The following CEP126 variants were observed in gnomAD, a reference collection of about 807,000 sequenced individuals.
CEP126 encodes the protein centrosomal protein of 126 kDa.
CEP126 carries 74 observed loss-of-function variants against 107.8 expected under a neutral mutation model. The ratio of observed to expected loss-of-function variants is 0.69; its 90% CI spans 0.57 to 0.83. CEP126 has a LOEUF of 0.83. Ranked by LOEUF, CEP126 falls within the 40% of genes least tolerant of loss-of-function variation. CEP126 has a pLI of 0.00. For synonymous variants in CEP126, 449 were observed against 446.0 expected (o/e 1.01, Z -0.08); for missense variants, 1,237 against 1,281.9 (o/e 0.96, Z 0.53).
intron 2 of CEP126, among the ~76,000 whole-genome samples, chr11:101,934,992 G>T (rs1287551919): frequency 6.6e-6 from 1 of 151,962 alleles, no homozygotes; most frequent in Non-Finnish European, 1.5e-5. Context: ...TTCCAAAAGG[G>T]CTGACCTTTT....
rs1236849810 is a variant in CEP126 at position 101,998,385 on chromosome 11, G to C, written c.*742G>C. 6.6e-6 allele frequency: 1 copy of C among 152,018 alleles called. No individual in the cohort carries two copies. Among genetic ancestry groups the C allele is most frequent in the Non-Finnish European group, 1.5e-5 (1 of 68,074 alleles). 9.4% of individuals were successfully genotyped at this position (152,018 alleles called of 1,614,324 possible). On this transcript the variant is annotated 3_prime_UTR_variant, in exon 11 of 11. Coordinates refer to ENST00000263468, the MANE Select transcript of CEP126 (RefSeq NM_020802.4). ...AGATGGCTTGAGCTCAGGAGTTCGT[G>C]ACCAGCCTGGGCAACCCTGTCTCTA...
intron 8 of CEP126, 148 bp from the exon 9 acceptor site, chr11:101,986,684 A>C: frequency 1.8e-6 from 1 of 566,960 alleles, no homozygotes; most frequent in Non-Finnish European, 3.1e-6. Flanking sequence ...TGATAAATGA[A>C]ATCAAAGTAG....
intron 4 of CEP126, among the ~76,000 whole-genome samples, chr11:101,951,196 A>G (rs1383146819): frequency 6.6e-6 from 1 of 152,182 alleles, no homozygotes; most frequent in African/African-American, 2.4e-5. Context: ...ATGTTGATCA[A>G]TTACAAGTAT....
rs1212195539 is a variant in CEP126, at chr11:101,986,984, T to C, written c.3187T>C (p.Ser1063Pro). ...KTQQFNICTLSAEEQKILESL... is the reference protein window; with the variant it reads ...KTQQFNICTLPAEEQKILESL... ...TCAACAATTCAACATCTGCACACTG[T>C]CAGCTGAAGAACAGAAGATCCTAGA... The change falls in exon 9 of 11, where the codon TCA becomes CCA. Residue 1063 changes from serine (S) to proline (P), a missense_variant. Coordinates refer to ENST00000263468, the MANE Select transcript of CEP126 (RefSeq NM_020802.4). The C allele has an allele frequency of 1.2e-6, 2 of 1,613,604 alleles. No individual in the cohort carries two copies. The highest frequency in any genetic ancestry group is 1.7e-6 in the Non-Finnish European group (2 of 1,179,800).
chr11:101,989,861 G>A (rs1565370751), intron 9 of CEP126, among the ~76,000 whole-genome samples: 1 of 152,156 alleles, frequency 6.6e-6, no homozygotes, highest in Non-Finnish European at 1.5e-5. Flanking sequence ...TAGGGAGGCT[G>A]AGGCAGGAGA....
intron 9 of CEP126, 138 bp from the exon 10 acceptor site, chr11:101,992,639 TG>T: frequency 2.0e-6 from 1 of 511,168 alleles, no homozygotes; most frequent in South Asian, 3.0e-5. Flanking sequence ...AGACTATTTC[TG>T]GGGGTGACTG....
At chr11:101,968,116 A>G (rs1941078987) in intron 6 of CEP126, among the ~76,000 whole-genome samples, 1 of 152,238 alleles carries the variant, frequency 6.6e-6, no homozygotes, top group Admixed American at 6.5e-5. Flanking sequence ...CATGAAGGGT[A>G]AGAGCTATGA....
intron 5 of CEP126, 145 bp from the exon 6 acceptor site, chr11:101,961,596 A>C (rs1409956462): frequency 1.2e-5 from 6 of 484,358 alleles, no homozygotes; most frequent in Non-Finnish European, 1.8e-5. Context: ...TGCAGGGATA[A>C]GAATTATTTA....
chr11:101,947,852 A>G (rs187283880), intron 3 of CEP126, among the ~76,000 whole-genome samples, 179 bp from the exon 4 acceptor site: 126 of 152,300 alleles, frequency 8.3e-4, no homozygotes, highest in Non-Finnish European at 1.4e-3. Flanking sequence ...ACTTTGAGGT[A>G]ACACATTCTC....
intron 2 of CEP126, among the ~76,000 whole-genome samples, chr11:101,928,656 C>G (rs1423086670): frequency 6.6e-6 from 1 of 152,110 alleles, no homozygotes; most frequent in Non-Finnish European, 1.5e-5. Flanking sequence ...GGCTACCTTT[C>G]CTCCATGAAT....
chr11:101,981,542 C>T (rs1412743622), intron 7 of CEP126, among the ~76,000 whole-genome samples: 1 of 152,122 alleles, frequency 6.6e-6, no homozygotes, highest in Non-Finnish European at 1.5e-5. Context: ...ATCTGCCCAC[C>T]TCGGCCTCCC....
intron 6 of CEP126, among the ~76,000 whole-genome samples, chr11:101,975,253 A>G (rs1334504931): frequency 6.6e-6 from 1 of 152,220 alleles, no homozygotes; most frequent in Admixed American, 6.5e-5. Context: ...GAAATCAACG[A>G]CTGGTAACCA....
intron 4 of CEP126, among the ~76,000 whole-genome samples, chr11:101,952,291 C>T (rs752262267): frequency 9.9e-5 from 15 of 152,090 alleles, no homozygotes; most frequent in Non-Finnish European, 2.1e-4. Context: ...TCATGAAGAG[C>T]CTCGGTAAGG....
At chr11:101,956,402 CCTTTT>C (rs1163684570) in intron 4 of CEP126, 8 of 456,238 alleles carry the variant, frequency 1.8e-5, no homozygotes, top group African/African-American at 1.6e-4. Context: ...TAGCTTGGAT[CCTTTT>C]CAGTCAGTCC....
At chr11:101,985,286 CT>C (rs1332724086) in intron 8 of CEP126, among the ~76,000 whole-genome samples, 1,827 of 136,552 alleles carry the variant, frequency 0.013, 23 homozygotes, top group African/African-American at 0.037. Context: ...AAATGAGTTT[CT>C]TTTTTTTTTT....
intron 5 of CEP126, among the ~76,000 whole-genome samples, chr11:101,958,794 T>G (rs562293467): frequency 6.6e-6 from 1 of 152,212 alleles, no homozygotes; most frequent in Non-Finnish European, 1.5e-5. Flanking sequence ...ATTATGCACA[T>G]TTATGAGATT....
chr11:101,963,509 C>T lies in CEP126; in HGVS notation c.2474C>T (p.Thr825Ile). ...NIQVSQCQPVTPENPQNIITH... is the reference protein window; with the variant it reads ...NIQVSQCQPVIPENPQNIITH... ...CAAGTGTCTCAGTGTCAACCAGTAA[C>T]TCCTGAAAATCCTCAAAACATTATT... Residue 825 changes from threonine (T) to isoleucine (I), a missense_variant, in exon 6 of 11, where the codon ACT becomes ATT. By Grantham distance (89) the Thr-to-Ile change is moderately conservative. This residue lies in a region of CEP126 where 1,134 missense variants were observed against 1,150.5 expected (regional missense o/e 0.99). Transcript: ENST00000263468. The T allele has an allele frequency of 6.2e-7, 1 of 1,614,016 alleles. No individual in the cohort carries two copies. The highest frequency in any genetic ancestry group is 8.5e-7 in the Non-Finnish European group (1 of 1,179,918).
chr11:101,947,796 A>G (rs1940757745), intron 3 of CEP126, among the ~76,000 whole-genome samples: 1 of 152,170 alleles, frequency 6.6e-6, no homozygotes, highest in Admixed American at 6.5e-5. Flanking sequence ...GACATTTCTC[A>G]AAGTCTCTTT....
intron 8 of CEP126, among the ~76,000 whole-genome samples, chr11:101,983,959 A>T (rs1431345264): frequency 6.6e-6 from 1 of 152,200 alleles, no homozygotes. Flanking sequence ...CAAACACTTT[A>T]TATCAGGGAA....
Sources: gnomAD v4.1 joint callset for allele counts (sites outside exome capture counted in the v4.1 genomes callset) on GRCh38, gnomAD v4.1.1 for gene constraint, gnomAD v4.1.1 regional missense constraint, MANE v1.5 for transcripts, NCBI Gene and HGNC (gene_info 2026-07-23, HGNC 2026-07-21) for gene names.